LRRC40: variants seen among roughly 807,000 people sequenced by gnomAD.
LRRC40 encodes the protein leucine-rich repeat-containing protein 40.
LRRC40 carries 76 observed loss-of-function variants against 72.8 expected under a neutral mutation model. The ratio of observed to expected loss-of-function variants is 1.04; its 90% CI spans 0.87 to 1.26. The LOEUF (loss-of-function observed/expected upper bound fraction) is 1.26, where lower values mean the gene tolerates loss of function less well. LRRC40 is among the 50% of genes most tolerant of loss of function. The pLI is 0.00. For synonymous variants in LRRC40, 243 were observed against 254.2 expected, an observed-to-expected ratio of 0.96 and a Z score of 0.42; for missense variants, 684 against 698.9, an observed-to-expected ratio of 0.98 and a Z score of 0.24.
chr1:70,188,070 T>C (rs1260608406), intron 2 of LRRC40, among the ~76,000 whole-genome samples: 1 of 152,174 alleles, frequency 6.6e-6, no homozygotes, highest in Admixed American at 6.5e-5. Context: ...AGAAAGGGAC[T>C]TTTCTCATGT....
chr1:70,175,412 T>A (rs980371474), intron 7 of LRRC40, among the ~76,000 whole-genome samples: 2 of 152,172 alleles, frequency 1.3e-5, no homozygotes, highest in Admixed American at 1.3e-4. Flanking sequence ...AGAATCAGTA[T>A]TTTTTCTTAA....
rs1398508767 is a variant in LRRC40 at position 70,178,850 on chromosome 1, C to A, written c.804+1G>T. 6.4e-7 allele frequency: 1 copy of A among 1,558,044 alleles called. No homozygotes were observed. Among genetic ancestry groups the A allele is most frequent in the Non-Finnish European group, 8.7e-7 (1 of 1,144,228 alleles). Reference sequence around the variant, plus strand: ...TTATTTAATAATCAACTAAATAGTACCTTCAATAGACTACAAGAAGGAAAT... The same window carrying A: ...TTATTTAATAATCAACTAAATAGTAACTTCAATAGACTACAAGAAGGAAAT... On this transcript the variant is annotated splice_donor_variant, in intron 6 of 14. Coordinates refer to ENST00000370952, the MANE Select transcript of LRRC40 (RefSeq NM_017768.5). LOFTEE classifies it high-confidence loss of function.
At chr1:70,189,813 A>G (rs1261500417) in intron 1 of LRRC40, among the ~76,000 whole-genome samples, 1 of 152,256 alleles carries the variant, frequency 6.6e-6, no homozygotes, top group African/African-American at 2.4e-5. Flanking sequence ...TGAGAAAAAT[A>G]GAGCACAAAG....
At chr1:70,170,823 G>A (rs556628660) in intron 9 of LRRC40, among the ~76,000 whole-genome samples, 59 of 152,216 alleles carry the variant, frequency 3.9e-4, no homozygotes, top group African/African-American at 1.4e-3. Context: ...CTTTATCTTT[G>A]TAGAAATTCA....
At chr1:70,203,316 T>C (rs1668789924) in intron 1 of LRRC40, among the ~76,000 whole-genome samples, 1 of 152,210 alleles carries the variant, frequency 6.6e-6, no homozygotes, top group East Asian at 1.9e-4. Flanking sequence ...GGGAAGTCAT[T>C]AAACGTTTTG....
At chr1:70,170,172 G>A (rs904644843) in intron 9 of LRRC40, among the ~76,000 whole-genome samples, 2 of 152,044 alleles carry the variant, frequency 1.3e-5, no homozygotes, top group African/African-American at 2.4e-5. Flanking sequence ...CTCAACAGAT[G>A]CAGAAAAAAA....
chr1:70,148,356 T>TA, intron 14 of LRRC40, 131 bp downstream of exon 14: 1 of 751,984 alleles, frequency 1.3e-6, no homozygotes, highest in South Asian at 2.1e-5. Flanking sequence ...TGGGTTTTGT[T>TA]ACTTGTTATT....
chr1:70,174,744 A>G (rs1668067590), intron 7 of LRRC40, among the ~76,000 whole-genome samples: 1 of 152,142 alleles, frequency 6.6e-6, no homozygotes, highest in African/African-American at 2.4e-5. Context: ...ATAGTAACAT[A>G]GCACATTAGT....
chr1:70,177,187 A>G (rs2100297090), intron 6 of LRRC40, among the ~76,000 whole-genome samples: 1 of 152,208 alleles, frequency 6.6e-6, no homozygotes, highest in East Asian at 1.9e-4. Flanking sequence ...GAGGCAGGAG[A>G]ATCACTTGAA....
Position 70,177,871 on chromosome 1 carries a change from C to CT in LRRC40, c.804+979dup, listed in dbSNP as rs548723111. On this transcript the variant is annotated intron_variant, in intron 6 of 14. Coordinates refer to ENST00000370952, the MANE Select transcript of LRRC40 (RefSeq NM_017768.5). ...ATCTCTGAGACAGCAAGACCAACCC[C>CT]TTCTCTTCCTCCTCCTCAGCCTACT... Among the ~76,000 whole-genome samples the CT allele has an allele frequency of 9.5e-4, 144 of 152,292 alleles. 2 individuals carry two copies. In the South Asian group the frequency reaches 0.014, roughly 15 times the overall value.
At chr1:70,189,831 A>G (rs2100331773) in intron 1 of LRRC40, among the ~76,000 whole-genome samples, 1 of 152,344 alleles carries the variant, frequency 6.6e-6, no homozygotes, top group African/African-American at 2.4e-5. Context: ...AAGAAAATGT[A>G]TAATTTGGCC....
At position 70,145,759 on chromosome 1, in the gene LRRC40, G is replaced by A; in HGVS notation, c.*41C>T. On this transcript the variant is annotated 3_prime_UTR_variant, in exon 15 of 15. Transcript: ENST00000370952. Reference sequence around the variant, plus strand: ...GTTACATCCTCCTTAGAATTAACCAGGGTTAATAATACATGACAAGGGTTA... The same window carrying A: ...GTTACATCCTCCTTAGAATTAACCAAGGTTAATAATACATGACAAGGGTTA... 9.9e-7 allele frequency: 1 copy of A among 1,010,468 alleles called. No individual in the cohort carries two copies. The highest frequency in any genetic ancestry group is 1.3e-5 in the South Asian group (1 of 74,374). 62.6% of individuals were successfully genotyped at this position (1,010,468 alleles called of 1,614,324 possible). A position where few individuals can be genotyped will look rare whatever the true frequency, so the allele number is the denominator to read the frequency against.
intron 12 of LRRC40, among the ~76,000 whole-genome samples, chr1:70,152,207 C>A (rs1422222239): frequency 6.6e-6 from 1 of 152,090 alleles, no homozygotes; most frequent in Non-Finnish European, 1.5e-5. Flanking sequence ...TATGACGTAA[C>A]TTGTAAATTG....
chr1:70,205,264 A>T, intron 1 of LRRC40, 126 bp downstream of exon 1: 2 of 895,854 alleles, frequency 2.2e-6, no homozygotes, highest in Non-Finnish European at 3.3e-6. Context: ...GGATTAGATT[A>T]GAGCACAGAA....
chr1:70,183,127 A>C (rs1353277323), intron 4 of LRRC40, among the ~76,000 whole-genome samples: 1 of 152,178 alleles, frequency 6.6e-6, no homozygotes, highest in African/African-American at 2.4e-5. Context: ...GGTTGAGAAG[A>C]GTATATATTT....
rs1437827783 is a variant in LRRC40 at position 70,152,533 on chromosome 1, G to A, written c.1339C>T (p.Leu447=). The A allele has an allele frequency of 1.3e-6, 2 of 1,563,602 alleles. No homozygotes were observed. Among genetic ancestry groups the A allele is most frequent in the South Asian group, 2.2e-5 (2 of 89,128 alleles). ...TCGACATCAGAAACCATTTCCTTCA[G>A]TTCTACCATCCTGAAACAAAAATAA... ...LCEIPKRMVE[L]KEMVSDVDLS... Residue 447 remains leucine (L), a synonymous_variant, in exon 12 of 15, where the codon CTG becomes TTG. Transcript: ENST00000370952.
intron 13 of LRRC40, among the ~76,000 whole-genome samples, chr1:70,149,513 G>T (rs1212899378): frequency 6.6e-6 from 1 of 152,152 alleles, no homozygotes; most frequent in Non-Finnish European, 1.5e-5. Context: ...TGCAACCCAT[G>T]AACAAGATAA....
At chr1:70,163,857 G>A (rs1411343972) in intron 9 of LRRC40, among the ~76,000 whole-genome samples, 1 of 152,114 alleles carries the variant, frequency 6.6e-6, no homozygotes, top group Non-Finnish European at 1.5e-5. Flanking sequence ...TGCCACGATG[G>A]CATAATTGGG....
intron 2 of LRRC40, among the ~76,000 whole-genome samples, chr1:70,187,854 G>A (rs1668400783): frequency 1.7e-5 from 2 of 116,932 alleles, no homozygotes; most frequent in South Asian, 5.0e-4. Flanking sequence ...GAAGAGAAGA[G>A]AAGAGAAGAG....
Sources: gnomAD v4.1 joint callset for allele counts (sites outside exome capture counted in the v4.1 genomes callset) on GRCh38, gnomAD v4.1.1 for gene constraint, MANE v1.5 for transcripts, NCBI Gene and HGNC (gene_info 2026-07-23, HGNC 2026-07-21) for gene names.